The following HMGCLL1 variants were observed in gnomAD, a reference collection of about 807,000 sequenced individuals.
The protein encoded by HMGCLL1 is 3-hydroxymethyl-3-methylglutaryl-CoA lyase, cytoplasmic.
Under a neutral mutation model 39.1 loss-of-function variants are expected in HMGCLL1, and 36 were observed. The observed-to-expected ratio is 0.92, with a 90% CI of 0.71 to 1.22. The LOEUF (loss-of-function observed/expected upper bound fraction) is 1.22, where lower values mean the gene tolerates loss of function less well. HMGCLL1 is among the 50% of genes most tolerant of loss of function. The pLI is 0.00. For missense variants in HMGCLL1, 451 were observed against 416.5 expected (o/e 1.08, Z -0.72); for synonymous variants, 149 against 144.0 (o/e 1.03, Z -0.25).
At chr6:55,628,322 G>A in the HMGCLL1 span, among the ~76,000 whole-genome samples, 3 of 143,570 alleles carry the variant, frequency 2.1e-5, no homozygotes, top group Non-Finnish European at 4.5e-5. Flanking sequence ...ATTTTTTTGA[G>A]ACAGAGTCTT....
chr6:55,648,965 C>T, the HMGCLL1 span, among the ~76,000 whole-genome samples: 1 of 151,194 alleles, frequency 6.6e-6, no homozygotes, highest in Non-Finnish European at 1.5e-5. Flanking sequence ...CAAAAATCCT[C>T]AATAAAATAC....
At chr6:55,494,341 G>A (rs1766472575) in intron 7 of HMGCLL1, among the ~76,000 whole-genome samples, 1 of 79,412 alleles carries the variant, frequency 1.3e-5, no homozygotes, top group Non-Finnish European at 2.9e-5. Flanking sequence ...CAGCCCTTCA[G>A]AAAAATAACT....
intron 7 of HMGCLL1, among the ~76,000 whole-genome samples, chr6:55,457,038 T>C (rs1299364424): frequency 6.6e-6 from 1 of 152,214 alleles, no homozygotes; most frequent in Non-Finnish European, 1.5e-5. Flanking sequence ...GATGCTTTTT[T>C]GTCCGATGTT....
intron 1 of HMGCLL1, among the ~76,000 whole-genome samples, chr6:55,543,864 C>T (rs1489500332): frequency 6.6e-6 from 1 of 151,708 alleles, no homozygotes; most frequent in Non-Finnish European, 1.5e-5. Context: ...CGCAATTAGA[C>T]CCTGTCTAAA....
the HMGCLL1 span, among the ~76,000 whole-genome samples, chr6:55,639,142 G>T: frequency 1.3e-5 from 2 of 151,892 alleles, no homozygotes; most frequent in Non-Finnish European, 2.9e-5. Flanking sequence ...GCAAAGAAAT[G>T]TTGAACTATT....
intron 7 of HMGCLL1, among the ~76,000 whole-genome samples, chr6:55,460,064 C>A (rs1764490504): frequency 6.6e-6 from 1 of 151,834 alleles, no homozygotes; most frequent in South Asian, 2.1e-4. Flanking sequence ...GGTACCTAAT[C>A]TTTTATCAAT....
chr6:55,469,368 T>TATACACAC (rs1764934120), intron 7 of HMGCLL1, among the ~76,000 whole-genome samples: 1 of 148,244 alleles, frequency 6.7e-6, no homozygotes, highest in Non-Finnish European at 1.5e-5. Flanking sequence ...CATATATATG[T>TATACACAC]ACACATACAT....
chr6:55,637,381 G>A, the HMGCLL1 span, among the ~76,000 whole-genome samples: 1 of 152,114 alleles, frequency 6.6e-6, no homozygotes, highest in East Asian at 1.9e-4. Context: ...AATAATTAAA[G>A]CTGAGGGGAA....
At chr6:55,646,437 G>A in the HMGCLL1 span, among the ~76,000 whole-genome samples, 2 of 151,278 alleles carry the variant, frequency 1.3e-5, no homozygotes, top group Admixed American at 6.6e-5. Flanking sequence ...CTAATTTTGG[G>A]TTTCGTTTGC....
intron 4 of HMGCLL1, among the ~76,000 whole-genome samples, 154 bp from the exon 5 acceptor site, chr6:55,514,350 T>C (rs116615739): frequency 2.6e-5 from 4 of 152,330 alleles, no homozygotes; most frequent in South Asian, 2.1e-4. Flanking sequence ...TTGCCACATA[T>C]ATTCTTTCGA....
At chr6:55,552,911 G>A (rs1221812225) in intron 1 of HMGCLL1, among the ~76,000 whole-genome samples, 2 of 151,986 alleles carry the variant, frequency 1.3e-5, no homozygotes, top group East Asian at 3.9e-4. Flanking sequence ...GGAGGCCAAG[G>A]CGGCTGGATC....
At chr6:55,463,080 G>C (rs542457718) in intron 7 of HMGCLL1, among the ~76,000 whole-genome samples, 1 of 149,620 alleles carries the variant, frequency 6.7e-6, no homozygotes, top group Non-Finnish European at 1.5e-5. Flanking sequence ...GCCCAGGCTG[G>C]AGTGCAGTAG....
intron 8 of HMGCLL1, among the ~76,000 whole-genome samples, chr6:55,437,298 C>T (rs1763410935): frequency 6.6e-6 from 1 of 151,844 alleles, no homozygotes; most frequent in Non-Finnish European, 1.5e-5. Flanking sequence ...TTTCTGCCTT[C>T]AAGTTCAAGC....
At chr6:55,653,767 C>G in the HMGCLL1 span, among the ~76,000 whole-genome samples, 1 of 151,802 alleles carries the variant, frequency 6.6e-6, no homozygotes, top group Admixed American at 6.6e-5. Flanking sequence ...TTCTGGGAAG[C>G]GCCTTGGGAA....
chr6:55,621,055 G>A, the HMGCLL1 span, among the ~76,000 whole-genome samples: 3 of 152,066 alleles, frequency 2.0e-5, no homozygotes, highest in Non-Finnish European at 4.4e-5. Flanking sequence ...CTCAGGTAAT[G>A]TGATTCTTCC....
the HMGCLL1 span, among the ~76,000 whole-genome samples, chr6:55,598,268 C>A: frequency 1.3e-5 from 2 of 151,996 alleles, no homozygotes; most frequent in South Asian, 4.2e-4. Context: ...CTTACTTTGA[C>A]GAGATACCCT....
chr6:55,509,645 G>A (rs565019071), intron 5 of HMGCLL1, among the ~76,000 whole-genome samples: 20 of 151,820 alleles, frequency 1.3e-4, no homozygotes, highest in Admixed American at 8.6e-4. Context: ...TTCATGGCAC[G>A]TGGGAAGATT....
chr6:55,613,800 T>C, the HMGCLL1 span, among the ~76,000 whole-genome samples: 2 of 152,018 alleles, frequency 1.3e-5, no homozygotes, highest in East Asian at 3.9e-4. Context: ...AGGGAGAGTA[T>C]TGGGTCAAAT....
the HMGCLL1 span, among the ~76,000 whole-genome samples, chr6:55,627,387 C>T: frequency 2.1e-4 from 32 of 151,980 alleles, no homozygotes; most frequent in African/African-American, 7.2e-4. Flanking sequence ...TCTGGTTGTA[C>T]GGAGGATAGT....
Sources: gnomAD v4.1 joint callset for allele counts (sites outside exome capture counted in the v4.1 genomes callset) on GRCh38, gnomAD v4.1.1 for gene constraint, MANE v1.5 for transcripts, NCBI Gene and HGNC (gene_info 2026-07-23, HGNC 2026-07-21) for gene names.